Variants in BMAL1 observed in about 807,000 individuals in gnomAD.
The protein encoded by BMAL1 is basic helix-loop-helix ARNT like 1.
chr11:13,328,969 AT>A, the BMAL1 span, among the ~76,000 whole-genome samples: 1 of 152,254 alleles, frequency 6.6e-6, no homozygotes, highest in African/African-American at 2.4e-5. Flanking sequence ...GGTATAAATA[AT>A]GGTTTTCTGA....
chr11:13,308,652 A>G, the BMAL1 span, among the ~76,000 whole-genome samples: 1 of 152,226 alleles, frequency 6.6e-6, no homozygotes, highest in Admixed American at 6.5e-5. Flanking sequence ...AGACAGGCCA[A>G]ATGCATATGC....
chr11:13,295,023 A>G, the BMAL1 span, among the ~76,000 whole-genome samples: 1 of 152,168 alleles, frequency 6.6e-6, no homozygotes, highest in Non-Finnish European at 1.5e-5. Context: ...TGAGGTGAAG[A>G]GAAGCAGTCA....
chr11:13,383,964 A>T, the BMAL1 span, among the ~76,000 whole-genome samples: 2 of 152,242 alleles, frequency 1.3e-5, no homozygotes, highest in Non-Finnish European at 2.9e-5. Flanking sequence ...ACAAAATGAG[A>T]AGTACACAGA....
At chr11:13,362,502 A>G in the BMAL1 span, among the ~76,000 whole-genome samples, 1 of 152,188 alleles carries the variant, frequency 6.6e-6, no homozygotes, top group Non-Finnish European at 1.5e-5. Context: ...TTGTTTATTC[A>G]TAAATTCAAC....
At chr11:13,303,158 C>T in the BMAL1 span, among the ~76,000 whole-genome samples, 4 of 152,260 alleles carry the variant, frequency 2.6e-5, no homozygotes, top group East Asian at 5.8e-4. Context: ...GTAAGTTACC[C>T]CAGGTTACAT....
the BMAL1 span, among the ~76,000 whole-genome samples, chr11:13,292,962 A>G: frequency 1.3e-5 from 2 of 152,278 alleles, no homozygotes; most frequent in East Asian, 3.9e-4. Context: ...TTAGTTGGGA[A>G]GCAATGAGTC....
the BMAL1 span, among the ~76,000 whole-genome samples, chr11:13,308,843 T>A: frequency 6.6e-6 from 1 of 152,028 alleles, no homozygotes; most frequent in African/African-American, 2.4e-5. Flanking sequence ...GAGGATTGAG[T>A]CAGATTCATT....
the BMAL1 span, among the ~76,000 whole-genome samples, chr11:13,360,579 G>C: frequency 1.2e-4 from 18 of 151,998 alleles, no homozygotes; most frequent in Non-Finnish European, 1.5e-5. Context: ...GTTTGGACAG[G>C]CTTCACATTT....
chr11:13,314,229 C>CCACACACACACACACACACACACACA, the BMAL1 span, among the ~76,000 whole-genome samples: 6 of 138,746 alleles, frequency 4.3e-5, no homozygotes, highest in Admixed American at 1.4e-4. Flanking sequence ...AGGGTGGAGA[C>CCACACACACACACACACACACACACA]CACACACACA....
chr11:13,359,299 A>G, the BMAL1 span, among the ~76,000 whole-genome samples: 2 of 152,196 alleles, frequency 1.3e-5, no homozygotes, highest in Non-Finnish European at 2.9e-5. Flanking sequence ...AGGAAATTGG[A>G]AAGTGGGCGC....
chr11:13,382,245 TC>T, the BMAL1 span, among the ~76,000 whole-genome samples: 1 of 151,692 alleles, frequency 6.6e-6, no homozygotes, highest in Admixed American at 6.6e-5. Context: ...AGCGTTTTGC[TC>T]CCCCCAAAAA....
the BMAL1 span, among the ~76,000 whole-genome samples, chr11:13,333,559 T>C: frequency 1.3e-5 from 2 of 152,196 alleles, no homozygotes; most frequent in Admixed American, 6.5e-5. Flanking sequence ...TATTTACTCA[T>C]TTTCAAAGTG....
the BMAL1 span, among the ~76,000 whole-genome samples, chr11:13,367,007 A>G: frequency 6.6e-6 from 1 of 152,212 alleles, no homozygotes; most frequent in African/African-American, 2.4e-5. Context: ...ATTTATTGAA[A>G]AGAAGAGCTA....
the BMAL1 span, among the ~76,000 whole-genome samples, chr11:13,362,230 A>G: frequency 6.6e-6 from 1 of 152,178 alleles, no homozygotes; most frequent in Non-Finnish European, 1.5e-5. Flanking sequence ...CTTCCTTGCC[A>G]AAAAAGCCAT....
the BMAL1 span, among the ~76,000 whole-genome samples, chr11:13,377,178 T>C: frequency 6.6e-6 from 1 of 152,188 alleles, no homozygotes; most frequent in Non-Finnish European, 1.5e-5. Context: ...GGACTCATCC[T>C]TCCTGGGACC....
chr11:13,334,112 C>T, the BMAL1 span, among the ~76,000 whole-genome samples: 4 of 152,108 alleles, frequency 2.6e-5, no homozygotes, highest in Admixed American at 2.6e-4. Flanking sequence ...CTGTCATCAT[C>T]CTCATTTTAC....
the BMAL1 span, among the ~76,000 whole-genome samples, chr11:13,290,690 A>T: frequency 6.6e-6 from 1 of 152,052 alleles, no homozygotes. Context: ...TATTCATATA[A>T]GGTGGGTAAT....
the BMAL1 span, among the ~76,000 whole-genome samples, chr11:13,288,764 G>T: frequency 6.6e-6 from 1 of 152,152 alleles, no homozygotes; most frequent in East Asian, 1.9e-4. Flanking sequence ...AGAGAGAGAA[G>T]CCAGAACTGA....
the BMAL1 span, among the ~76,000 whole-genome samples, chr11:13,358,946 C>T: frequency 6.6e-6 from 1 of 152,156 alleles, no homozygotes; most frequent in Non-Finnish European, 1.5e-5. Context: ...TTATAACACG[C>T]AGAAATGTAG....
Sources: gnomAD v4.1 joint callset for allele counts (sites outside exome capture counted in the v4.1 genomes callset) on GRCh38, gnomAD v4.1.1 for gene constraint, MANE v1.5 for transcripts, NCBI Gene and HGNC (gene_info 2026-07-23, HGNC 2026-07-21) for gene names.